The following STPG2 variants were observed in gnomAD, a reference collection of about 807,000 sequenced individuals.
STPG2 encodes sperm tail PG-rich repeat containing 2, also known as sperm-tail PG-rich repeat-containing protein 2.
STPG2 carries 56 observed loss-of-function variants against 54.2 expected under a neutral mutation model. The observed-to-expected ratio is 1.03, with a 90% CI of 0.83 to 1.29. STPG2 has a LOEUF of 1.29. Ranked by LOEUF, STPG2 falls within the 50% of genes most tolerant of loss-of-function variation. The probability of loss-of-function intolerance (pLI) is 0.00; values close to 1 mark genes in which losing one functional copy is unlikely to be tolerated. For synonymous variants in STPG2, 200 were observed against 181.8 expected (o/e 1.10, Z -0.81); for missense variants, 596 against 544.9 (o/e 1.09, Z -0.93).
intron 5 of STPG2, among the ~76,000 whole-genome samples, chr4:98,031,627 G>A (rs531857023): frequency 6.6e-6 from 1 of 152,114 alleles, no homozygotes; most frequent in African/African-American, 2.4e-5. Context: ...GGAGGTTGCA[G>A]TGAGCCGAGA....
At chr4:97,461,681 T>C (rs1239735999) in intron 4 of STPG2, among the ~76,000 whole-genome samples, 1 of 152,212 alleles carries the variant, frequency 6.6e-6, no homozygotes, top group Non-Finnish European at 1.5e-5. Context: ...AAAAACACTG[T>C]AGTTTTAATT....
intron 10 of STPG2, among the ~76,000 whole-genome samples, chr4:97,685,089 T>C (rs1054952217): frequency 1.3e-5 from 2 of 152,092 alleles, no homozygotes; most frequent in African/African-American, 2.4e-5. Flanking sequence ...TTGATGAGGA[T>C]GTGAATCAAC....
At chr4:97,793,523 T>G (rs991748272) in intron 9 of STPG2, among the ~76,000 whole-genome samples, 1 of 151,968 alleles carries the variant, frequency 6.6e-6, no homozygotes, top group African/African-American at 2.4e-5. Context: ...CAGCTTTGAA[T>G]GAATGAGTGA....
intron 5 of STPG2, among the ~76,000 whole-genome samples, chr4:98,104,377 A>G (rs757439932): frequency 9.2e-5 from 14 of 152,150 alleles, no homozygotes; most frequent in Non-Finnish European, 1.9e-4. Flanking sequence ...GCTACATACA[A>G]TAAAGCCCCT....
At chr4:97,603,158 T>G (rs1733507637) in intron 10 of STPG2, among the ~76,000 whole-genome samples, 1 of 151,506 alleles carries the variant, frequency 6.6e-6, no homozygotes. Flanking sequence ...GGCAAAAAAC[T>G]TAAATAGGTA....
intron 8 of STPG2, among the ~76,000 whole-genome samples, chr4:97,921,027 G>T (rs1050462256): frequency 7.2e-5 from 11 of 152,158 alleles, no homozygotes; most frequent in African/African-American, 1.4e-4. Context: ...GAATTCAGGT[G>T]AGACATTACA....
At chr4:97,537,242 G>A (rs535506409) in intron 4 of STPG2, among the ~76,000 whole-genome samples, 16 of 152,242 alleles carry the variant, frequency 1.1e-4, no homozygotes, top group South Asian at 2.1e-4. Context: ...AAAACAGGAC[G>A]AGGCATCACC....
chr4:97,574,556 C>CA (rs1360615549), intron 10 of STPG2, among the ~76,000 whole-genome samples: 4 of 151,984 alleles, frequency 2.6e-5, no homozygotes, highest in African/African-American at 9.7e-5. Context: ...GTGTCAAACT[C>CA]CATCTCTCTG....
chr4:97,755,843 T>A (rs756532030), intron 9 of STPG2, among the ~76,000 whole-genome samples: 8 of 152,180 alleles, frequency 5.3e-5, no homozygotes, highest in Non-Finnish European at 8.8e-5. Flanking sequence ...TGGTTTTGAA[T>A]TTTAAAAAGT....
At chr4:97,639,089 C>A (rs1214161309) in intron 10 of STPG2, among the ~76,000 whole-genome samples, 2 of 151,978 alleles carry the variant, frequency 1.3e-5, no homozygotes, top group Non-Finnish European at 2.9e-5. Flanking sequence ...AGACTTGGAA[C>A]CAACCCAAAT....
chr4:97,594,078 A>C (rs2148900546), intron 10 of STPG2, among the ~76,000 whole-genome samples: 1 of 152,326 alleles, frequency 6.6e-6, no homozygotes, highest in African/African-American at 2.4e-5. Flanking sequence ...TAACTCTGGA[A>C]ATTCAAAAAG....
In STPG2 at chr4:98,087,767, A is replaced by G. The variant is rs556248788; in HGVS notation, c.612+18186T>C. Among the ~76,000 whole-genome samples, 563 of 152,040 alleles carry G rather than the reference A, an allele frequency of 3.7e-3. 4 individuals are homozygous for G. The highest frequency in any genetic ancestry group is 0.013 in the African/African-American group (537 of 41,502). Reference sequence around the variant, plus strand: ...AGTAGAGACGGGGTTTCACCGTGTTAGCCAGGATGGTCTCAATCTCCTGAC... The same window carrying G: ...AGTAGAGACGGGGTTTCACCGTGTTGGCCAGGATGGTCTCAATCTCCTGAC... On this transcript the variant is annotated intron_variant, in intron 5 of 10. Coordinates refer to ENST00000295268, the MANE Select transcript of STPG2 (RefSeq NM_174952.3).
chr4:97,896,308 C>G (rs1730951635), intron 8 of STPG2, among the ~76,000 whole-genome samples: 1 of 151,620 alleles, frequency 6.6e-6, no homozygotes, highest in African/African-American at 2.4e-5. Context: ...AATTTTGTGT[C>G]TAGAAGGAAT....
At chr4:98,101,034 C>A (rs1480085859) in intron 5 of STPG2, among the ~76,000 whole-genome samples, 1 of 148,008 alleles carries the variant, frequency 6.8e-6, no homozygotes. Context: ...TTCCTTGGAC[C>A]TTTAAAACTG....
intron 5 of STPG2, among the ~76,000 whole-genome samples, chr4:98,087,997 A>C (rs969313821): frequency 1.1e-4 from 17 of 152,252 alleles, no homozygotes; most frequent in Admixed American, 6.5e-5. Context: ...CATAAATGCC[A>C]TGAGTGGAAT....
At chr4:97,745,396 T>G (rs1423900977) in intron 9 of STPG2, among the ~76,000 whole-genome samples, 1 of 151,178 alleles carries the variant, frequency 6.6e-6, no homozygotes, top group Non-Finnish European at 1.5e-5. Context: ...TGTTAATCTC[T>G]CTACAGAAGA....
intron 10 of STPG2, among the ~76,000 whole-genome samples, chr4:97,703,549 T>G (rs912594290): frequency 2.1e-5 from 3 of 140,666 alleles, no homozygotes; most frequent in South Asian, 4.3e-4. Context: ...TATACTATAA[T>G]ATACTATATA....
At chr4:98,006,129 T>C (rs1735568519) in intron 5 of STPG2, among the ~76,000 whole-genome samples, 1 of 152,164 alleles carries the variant, frequency 6.6e-6, no homozygotes, top group African/African-American at 2.4e-5. Flanking sequence ...ATTCACACTG[T>C]GAAACTTTAT....
chr4:97,812,467 A>C, intron 9 of STPG2, among the ~76,000 whole-genome samples: 1 of 152,298 alleles, frequency 6.6e-6, no homozygotes, highest in South Asian at 2.1e-4. Context: ...AAGTAATTTT[A>C]ATTCAGTATA....
Sources: gnomAD v4.1 joint callset for allele counts (sites outside exome capture counted in the v4.1 genomes callset) on GRCh38, gnomAD v4.1.1 for gene constraint, MANE v1.5 for transcripts, NCBI Gene and HGNC (gene_info 2026-07-23, HGNC 2026-07-21) for gene names.